The following DTX1 variants were observed in gnomAD, a reference collection of about 807,000 sequenced individuals.
DTX1 encodes deltex E3 ubiquitin ligase 1, also known as E3 ubiquitin-protein ligase DTX1.
DTX1 carries 26 observed loss-of-function variants against 57.8 expected under a neutral mutation model. That is an observed-to-expected ratio of 0.45 (90% CI 0.33 to 0.62). The LOEUF is 0.62. Ranked by LOEUF, DTX1 falls within the 20% of genes least tolerant of loss-of-function variation. The probability of loss-of-function intolerance (pLI) is 0.02; values close to 1 mark genes in which losing one functional copy is unlikely to be tolerated. For synonymous variants in DTX1, 398 were observed against 394.1 expected (o/e 1.01, Z -0.12); for missense variants, 704 against 895.3 (o/e 0.79, Z 2.73).
At chr12:113,073,345 G>T (rs1198567333) in intron 2 of DTX1, among the ~76,000 whole-genome samples, 2 of 152,132 alleles carry the variant, frequency 1.3e-5, no homozygotes, top group Non-Finnish European at 2.9e-5. Context: ...CTCCTCCCGG[G>T]CCTACTGTGG....
chr12:113,064,678 G>C (rs1211932579), intron 2 of DTX1, among the ~76,000 whole-genome samples: 1 of 152,194 alleles, frequency 6.6e-6, no homozygotes, highest in Non-Finnish European at 1.5e-5. Flanking sequence ...GTAAAATGGG[G>C]ATAAGAATAG....
intron 6 of DTX1, 151 bp downstream of exon 6, chr12:113,094,250 CG>C: frequency 1.5e-6 from 1 of 646,276 alleles, no homozygotes; most frequent in Non-Finnish European, 2.6e-6. Flanking sequence ...GAAATACTTA[CG>C]TTTAATAGAC....
rs938612268 is a variant in DTX1 at position 113,097,794 on chromosome 12, A to G, written c.*855A>G. On this transcript the variant is annotated 3_prime_UTR_variant, in exon 10 of 10. Transcript: ENST00000548759. ...GCCTAGTTTGGGCCGATGTATTTTAAAGCAGAGTGGACAGCAGAGAGTCAA... is the reference window on the plus strand; with the variant it reads ...GCCTAGTTTGGGCCGATGTATTTTAGAGCAGAGTGGACAGCAGAGAGTCAA... 1 of 152,658 alleles carries G rather than the reference A, an allele frequency of 6.6e-6. No individual in the cohort carries two copies. Among genetic ancestry groups the G allele is most frequent in the Non-Finnish European group, 1.5e-5 (1 of 68,054 alleles). 9.5% of individuals were successfully genotyped at this position (152,658 alleles called of 1,614,324 possible).
chr12:113,064,084 C>G (rs2044688271), intron 2 of DTX1, among the ~76,000 whole-genome samples: 1 of 152,166 alleles, frequency 6.6e-6, no homozygotes, highest in Non-Finnish European at 1.5e-5. Context: ...GGGTCTAGCC[C>G]AAGGCAGGGA....
At chr12:113,069,952 T>TA (rs2044728366) in intron 2 of DTX1, among the ~76,000 whole-genome samples, 1 of 152,148 alleles carries the variant, frequency 6.6e-6, no homozygotes, top group South Asian at 2.1e-4. Flanking sequence ...CCATGTCACT[T>TA]ACTTACCATG....
In DTX1 at chr12:113,093,901, GC is replaced by G. The variant is rs1950265558; in HGVS notation, c.1166-135del. 1 of 1,431,038 alleles carries G rather than the reference GC, an allele frequency of 7.0e-7. No individual in the cohort carries two copies. Among genetic ancestry groups the G allele is most frequent in the South Asian group, 1.2e-5 (1 of 80,310 alleles). 88.6% of individuals were successfully genotyped at this position (1,431,038 alleles called of 1,614,324 possible). Reference sequence around the variant, plus strand: ...CAGCAACCCCTGACCTCTGACCCTGGCCAACCCTTGCCAGCCTGACCCCGGC... The same window carrying G: ...CAGCAACCCCTGACCTCTGACCCTGGCAACCCTTGCCAGCCTGACCCCGGC... On this transcript the variant is annotated intron_variant, in intron 5 of 9. Coordinates refer to ENST00000548759, the MANE Select transcript of DTX1 (RefSeq NM_004416.3). The surrounding 1 kb of genome is among the most constrained non-coding windows in gnomAD (Gnocchi z 4.2).
At position 113,081,782 on chromosome 12, in the gene DTX1, T is replaced by C. The variant is rs139738461; in HGVS notation, c.941+3677T>C. Among the ~76,000 whole-genome samples, 510 of 152,156 alleles carry C rather than the reference T, an allele frequency of 3.4e-3. 4 individuals carry two copies. Among genetic ancestry groups the C allele is most frequent in the African/African-American group, 0.012 (480 of 41,504 alleles). On this transcript the variant is annotated intron_variant, in intron 3 of 9. Coordinates refer to ENST00000548759, the MANE Select transcript of DTX1 (RefSeq NM_004416.3). ...GAGAAGGGCACCCCAGGCAGGGCAT[T>C]GCAGGTGCAAAGGGGCAGAGGTAGG...
chr12:113,070,858 C>T lies in DTX1; in HGVS notation c.260-6566C>T, dbSNP rs1479028693. ...CTCTCACCCTCCCAAGAGTTCACCT[C>T]TCCGGGCCTCAGTTTCCTCATCTGT... is the stretch of plus-strand genomic sequence containing the variant. On this transcript the variant is annotated intron_variant, in intron 2 of 9. Transcript: ENST00000548759. Among the ~76,000 whole-genome samples the T allele has an allele frequency of 2.6e-5, 4 of 152,216 alleles. No homozygotes were observed. The East Asian group carries it at 7.7e-4, about 29-fold the overall frequency.
intron 3 of DTX1, chr12:113,089,796 T>A (rs369544537): frequency 6.6e-6 from 1 of 152,220 alleles, no homozygotes; most frequent in African/African-American, 2.4e-5. Context: ...ACTTTTGTAA[T>A]CTAGGGCTAT....
chr12:113,096,703 C>G lies in DTX1; in HGVS notation c.1639-12C>G. ...ACCTCCTCCCGGCCCCACTGTGTCCCTGTCCCCCCAGGTGCTGCGGCTGCT... is the reference window on the plus strand; with the variant it reads ...ACCTCCTCCCGGCCCCACTGTGTCCGTGTCCCCCCAGGTGCTGCGGCTGCT... On this transcript the variant is annotated splice_polypyrimidine_tract_variant and intron_variant, in intron 9 of 9. Coordinates refer to ENST00000548759, the MANE Select transcript of DTX1 (RefSeq NM_004416.3). 3.1e-6 allele frequency: 5 copies of G among 1,606,066 alleles called. No individual in the cohort carries two copies. Among genetic ancestry groups the G allele is most frequent in the Non-Finnish European group, 4.2e-6 (5 of 1,176,814 alleles).
rs148384072 is a variant in DTX1 at position 113,095,092 on chromosome 12, G to A, written c.1437G>A (p.Thr479=). The change falls in exon 8 of 10, where the codon ACG becomes ACA. Residue 479 remains threonine (T), a synonymous_variant. Transcript: ENST00000548759. ...GCAAGGCCATCTACGGGGAGAAGAC[G>A]GGTACGCAGCCGCCTGGGAAGATGG... ...PTCKAIYGEK[T]GTQPPGKMEF... 4.3e-5 allele frequency: 69 copies of A among 1,613,742 alleles called. No homozygotes were observed. Among genetic ancestry groups the A allele is most frequent in the African/African-American group, 2.8e-4 (21 of 74,998 alleles).
intron 2 of DTX1, among the ~76,000 whole-genome samples, chr12:113,071,646 G>A (rs1423445081): frequency 6.6e-6 from 1 of 152,242 alleles, no homozygotes; most frequent in East Asian, 1.9e-4. Flanking sequence ...TGGCCACTGC[G>A]GAGGAGAAGG....
rs559450283 is a variant in DTX1 at position 113,081,470 on chromosome 12, G to A, written c.941+3365G>A. Among the ~76,000 whole-genome samples the A allele has an allele frequency of 6.6e-5, 10 of 152,328 alleles. No individual in the cohort carries two copies. The East Asian group carries it at 1.5e-3, about 23-fold the overall frequency. Reference sequence around the variant, plus strand: ...CACAGAGCTGAACAAGACAAACAAGGCCTGTGTCCTCCCGGGGCACACAGA... The same window carrying A: ...CACAGAGCTGAACAAGACAAACAAGACCTGTGTCCTCCCGGGGCACACAGA... On this transcript the variant is annotated intron_variant, in intron 3 of 9. Coordinates refer to ENST00000548759, the MANE Select transcript of DTX1 (RefSeq NM_004416.3).
At position 113,095,391 on chromosome 12, in the gene DTX1, C is replaced by T; in HGVS notation, c.1615C>T (p.Pro539Ser). 2 of 1,614,236 alleles carry T rather than the reference C, an allele frequency of 1.2e-6. No homozygotes were observed. The highest frequency in any genetic ancestry group is 1.7e-6 in the Non-Finnish European group (2 of 1,180,046). Residue 539 changes from proline (P) to serine (S), a missense_variant, in exon 9 of 10, where the codon CCC becomes TCC. Pro to Ser is a moderately conservative substitution (Grantham distance 74, BLOSUM62 -1). Around this residue, in one of 3 missense-constraint regions of DTX1, gnomAD observed 168 missense variants for 255.6 expected, o/e 0.66. Transcript: ENST00000548759. ...AGGATTCCCTCGCCACTGCTATCTA[C>T]CCAACAACGAGAAAGGCCGGAAGGT... ...ARGFPRHCYL[P>S]NNEKGRKVLR...
chr12:113,066,440 A>G (rs1176837625), intron 2 of DTX1, among the ~76,000 whole-genome samples: 1 of 152,020 alleles, frequency 6.6e-6, no homozygotes, highest in Non-Finnish European at 1.5e-5. Context: ...AGGCAGGAGA[A>G]TCACTTGAAC....
chr12:113,075,891 G>C (rs748904459), intron 2 of DTX1, among the ~76,000 whole-genome samples: 3 of 152,156 alleles, frequency 2.0e-5, no homozygotes, highest in African/African-American at 7.2e-5. Context: ...AGCACCTGCT[G>C]TGTGCAGGTG....
chr12:113,093,591 G>T lies in DTX1; in HGVS notation c.1056G>T (p.Arg352=), dbSNP rs1412412598. 6.2e-7 allele frequency: 1 copy of T among 1,611,672 alleles called. No homozygotes were observed. The highest frequency in any genetic ancestry group is 2.2e-5 in the East Asian group (1 of 44,830). The change falls in exon 5 of 10, where the codon CGG becomes CGT. Residue 352 remains arginine (R), a synonymous_variant. Coordinates refer to ENST00000548759, the MANE Select transcript of DTX1 (RefSeq NM_004416.3). The surrounding 1 kb of genome is among the most constrained non-coding windows in gnomAD (Gnocchi z 4.2). The part of the protein sequence containing the change: ...CAAGLPVCLT[R]APKPILHPPP... ...CCGGGCTGCCCGTGTGCCTGACGCG[G>T]GCCCCCAAGCCCATCCTGCACCCGC... is the stretch of plus-strand genomic sequence containing the variant.
intron 2 of DTX1, among the ~76,000 whole-genome samples, chr12:113,069,896 G>A (rs1241412258): frequency 6.6e-6 from 1 of 152,124 alleles, no homozygotes; most frequent in Non-Finnish European, 1.5e-5. Flanking sequence ...GCCAGCTAAG[G>A]GGCTATTCCA....
chr12:113,067,082 C>T (rs1437811586), intron 2 of DTX1, among the ~76,000 whole-genome samples: 2 of 151,998 alleles, frequency 1.3e-5, no homozygotes, highest in Admixed American at 6.5e-5. Context: ...GCGCTGGGCC[C>T]TGGAGCTGAG....
Sources: gnomAD v4.1 joint callset for allele counts (sites outside exome capture counted in the v4.1 genomes callset) on GRCh38, gnomAD v4.1.1 for gene constraint, gnomAD v4.1.1 regional missense constraint, Gnocchi (gnomAD v3.1) non-coding constraint, MANE v1.5 for transcripts, NCBI Gene and HGNC (gene_info 2026-07-23, HGNC 2026-07-21) for gene names.